TPP2: variants seen among roughly 807,000 people sequenced by gnomAD.
The protein encoded by TPP2 is tripeptidyl peptidase 2.
TPP2 carries 34 observed loss-of-function variants against 155.9 expected under a neutral mutation model. That is an observed-to-expected ratio of 0.22 (90% CI 0.17 to 0.29). TPP2 has a LOEUF of 0.29. Among genes scored for constraint, TPP2 ranks in the 10% least tolerant of loss-of-function variants. The pLI is 1.00. For missense variants in TPP2, 1,028 were observed against 1,522.3 expected, an observed-to-expected ratio of 0.68 and a Z score of 5.40; for synonymous variants, 510 against 529.4, an observed-to-expected ratio of 0.96 and a Z score of 0.50.
In TPP2 at chr13:102,678,298, C is replaced by G. The variant is rs112235390; in HGVS notation, c.3771C>G (p.Pro1257=). ...TENWLPIMYP[P]DYCVF ...ACTGGCTCCCCATCATGTATCCTCC[C>G]GATTATTGCGTATTCTAAAATAGGA... Residue 1257 remains proline (P), a synonymous_variant, in exon 30 of 30, where the codon CCC becomes CCG. Transcript: ENST00000376052. 3.1e-6 allele frequency: 5 copies of G among 1,613,264 alleles called. No individual in the cohort carries two copies. In the Admixed American group the frequency reaches 8.3e-5, roughly 27 times the overall value.
At chr13:102,656,134 C>G (rs1883845661) in intron 24 of TPP2, among the ~76,000 whole-genome samples, 1 of 152,112 alleles carries the variant, frequency 6.6e-6, no homozygotes, top group South Asian at 2.1e-4. Flanking sequence ...CCTCTATAAT[C>G]TATTTTCCAA....
intron 10 of TPP2, 37 bp downstream of exon 10, chr13:102,630,232 T>G: frequency 6.6e-7 from 1 of 1,511,724 alleles, no homozygotes. Flanking sequence ...TTACGTATAT[T>G]CGGTTAAACT....
At chr13:102,634,366 G>A (rs1442271675) in intron 11 of TPP2, among the ~76,000 whole-genome samples, 4 of 152,198 alleles carry the variant, frequency 2.6e-5, no homozygotes, top group Admixed American at 6.5e-5. Flanking sequence ...AGCTGCCTAT[G>A]TGGAGGTTAC....
At position 102,636,175 on chromosome 13, in the gene TPP2, T is replaced by G. The variant is rs887973895; in HGVS notation, c.1510-49T>G. 6 of 1,498,710 alleles carry G rather than the reference T, an allele frequency of 4.0e-6. No individual in the cohort carries two copies. In the South Asian group the frequency reaches 8.1e-5, roughly 20 times the overall value. 92.8% of individuals were successfully genotyped at this position (1,498,710 alleles called of 1,614,324 possible). ...TTGATTGGTAATTTGCAACAAAATA[T>G]TTTTTGACCCAACCATTTATATCTT... On this transcript the variant is annotated intron_variant, in intron 12 of 29. Transcript: ENST00000376052.
chr13:102,672,988 T>G (rs1370414784), intron 27 of TPP2, among the ~76,000 whole-genome samples: 1 of 152,216 alleles, frequency 6.6e-6, no homozygotes, highest in East Asian at 1.9e-4. Context: ...GTAATTGCCC[T>G]CTTTGATGAA....
At chr13:102,602,927 T>C (rs1879542313) in intron 1 of TPP2, among the ~76,000 whole-genome samples, 1 of 151,206 alleles carries the variant, frequency 6.6e-6, no homozygotes, top group East Asian at 2.2e-4. Context: ...GTTTTTCGTT[T>C]TTTGTTTTTT....
chr13:102,613,523 T>C (rs1253710469), intron 2 of TPP2, among the ~76,000 whole-genome samples: 1 of 152,244 alleles, frequency 6.6e-6, no homozygotes, highest in Non-Finnish European at 1.5e-5. Context: ...AGAGATTTTC[T>C]TCCTTTTACA....
chr13:102,650,299 T>C (rs929105666), intron 23 of TPP2, among the ~76,000 whole-genome samples: 4 of 152,160 alleles, frequency 2.6e-5, no homozygotes, highest in Non-Finnish European at 4.4e-5. Flanking sequence ...TAAGTAAGCC[T>C]GCTACATAAA....
intron 11 of TPP2, among the ~76,000 whole-genome samples, chr13:102,634,581 C>G (rs1313429095): frequency 2.0e-5 from 3 of 152,170 alleles, no homozygotes; most frequent in African/African-American, 7.2e-5. Context: ...TGCTGTGAAG[C>G]TCCCTCCTCA....
intron 21 of TPP2, among the ~76,000 whole-genome samples, chr13:102,648,056 G>C (rs915895532): frequency 8.5e-5 from 13 of 152,158 alleles, no homozygotes; most frequent in African/African-American, 3.1e-4. Context: ...CTACTGCAGT[G>C]CTATTATTTT....
intron 5 of TPP2, among the ~76,000 whole-genome samples, chr13:102,619,932 GTGCGTTTT>G (rs1881032148): frequency 6.6e-6 from 1 of 152,156 alleles, no homozygotes; most frequent in African/African-American, 2.4e-5. Flanking sequence ...TAAGCCTTAG[GTGCGTTTT>G]AGTGTGGGAA....
intron 2 of TPP2, among the ~76,000 whole-genome samples, chr13:102,609,775 T>C (rs1880136182): frequency 6.6e-6 from 1 of 152,096 alleles, no homozygotes; most frequent in Non-Finnish European, 1.5e-5. Flanking sequence ...ACCCCCATGA[T>C]CCAGTCACCT....
intron 24 of TPP2, chr13:102,654,821 G>T: frequency 5.0e-6 from 2 of 400,734 alleles, no homozygotes; most frequent in South Asian, 3.7e-5. Context: ...CACTGATGCA[G>T]TCTGTTTCCA....
chr13:102,672,014 T>C (rs1174968634), intron 27 of TPP2, among the ~76,000 whole-genome samples: 3 of 152,172 alleles, frequency 2.0e-5, no homozygotes, highest in Admixed American at 2.0e-4. Flanking sequence ...ACCAGTGACT[T>C]ACTGACTGCG....
At chr13:102,672,040 C>T (rs1344347918) in intron 27 of TPP2, among the ~76,000 whole-genome samples, 5 of 152,142 alleles carry the variant, frequency 3.3e-5, no homozygotes, top group Admixed American at 2.0e-4. Flanking sequence ...TCTTCACCTT[C>T]ATTTTCGAGG....
intron 15 of TPP2, 27 bp from the exon 16 acceptor site, chr13:102,640,243 C>A: frequency 6.9e-7 from 1 of 1,449,386 alleles, no homozygotes; most frequent in Non-Finnish European, 9.5e-7. Context: ...TAAATATATA[C>A]ATTTAATTAC....
Position 102,652,397 on chromosome 13 carries a change from CATATATATATATATATATAT to C in TPP2, c.2991+1038_2991+1057del, listed in dbSNP as rs10530428. Among the ~76,000 whole-genome samples the C allele has an allele frequency of 8.3e-3, 1,047 of 125,420 alleles. 14 individuals are homozygous for C. The highest frequency in any genetic ancestry group is 0.014 in the Non-Finnish European group (796 of 56,324). 82.3% of individuals were successfully genotyped at this position (125,420 alleles called of 152,430 possible). On this transcript the variant is annotated intron_variant, in intron 24 of 29. Transcript: ENST00000376052. The stretch of plus-strand genomic sequence containing the variant: ...CCTGTCTCAAAACAAAACATACATA[CATATATATATATATATATAT>C]ATATATATATATATATATATATATA...
intron 10 of TPP2, among the ~76,000 whole-genome samples, chr13:102,630,971 G>A (rs1219531897): frequency 1.3e-5 from 2 of 152,140 alleles, no homozygotes; most frequent in Non-Finnish European, 2.9e-5. Flanking sequence ...AGTATGATGG[G>A]ACTCCAGAGG....
intron 3 of TPP2, among the ~76,000 whole-genome samples, chr13:102,614,514 A>C (rs1256645447): frequency 6.6e-6 from 1 of 152,040 alleles, no homozygotes; most frequent in Non-Finnish European, 1.5e-5. Flanking sequence ...ACTTTTTTTT[A>C]CTTGAAAAAG....
Sources: gnomAD v4.1 joint callset for allele counts (sites outside exome capture counted in the v4.1 genomes callset) on GRCh38, gnomAD v4.1.1 for gene constraint, MANE v1.5 for transcripts, NCBI Gene and HGNC (gene_info 2026-07-23, HGNC 2026-07-21) for gene names.